TEAD1: variants seen among roughly 807,000 people sequenced by gnomAD.
The protein encoded by TEAD1 is TEA domain transcription factor 1.
TEAD1 carries 9 observed loss-of-function variants against 54.9 expected under a neutral mutation model. The observed-to-expected ratio is 0.16, with a 90% confidence interval of 0.10 to 0.29. The LOEUF is 0.29. Ranked by LOEUF, TEAD1 falls within the 10% of genes least tolerant of loss-of-function variation. TEAD1 has a pLI of 1.00. For missense variants in TEAD1, 387 were observed against 535.9 expected, an observed-to-expected ratio of 0.72 and a Z score of 2.74; for synonymous variants, 200 against 187.8, an observed-to-expected ratio of 1.07 and a Z score of -0.53.
At chr11:12,728,153 TC>T (rs1382989766) in intron 2 of TEAD1, among the ~76,000 whole-genome samples, 2 of 152,170 alleles carry the variant, frequency 1.3e-5, no homozygotes, top group East Asian at 1.9e-4. Flanking sequence ...TGAATAGTGT[TC>T]CTAACTGCTA....
At chr11:12,691,484 A>G (rs1234126333) in intron 2 of TEAD1, among the ~76,000 whole-genome samples, 1 of 152,058 alleles carries the variant, frequency 6.6e-6, no homozygotes, top group East Asian at 1.9e-4. Context: ...TTGGAAATGG[A>G]TCCTGCCTGC....
chr11:12,937,387 C>T lies in TEAD1; in HGVS notation c.*165C>T. On this transcript the variant is annotated 3_prime_UTR_variant, in exon 13 of 13. Transcript: ENST00000527636. Reference sequence around the variant, plus strand: ...TTTCTAAATCTTGTTTGAGTGAAGTCATTTTTTCATGTGTTCATACTATCA... The same window carrying T: ...TTTCTAAATCTTGTTTGAGTGAAGTTATTTTTTCATGTGTTCATACTATCA... 3.5e-6 allele frequency: 2 copies of T among 571,414 alleles called. No individual in the cohort carries two copies. Among genetic ancestry groups the T allele is most frequent in the Admixed American group, 2.9e-5 (1 of 34,220 alleles). 35.4% of individuals were successfully genotyped at this position (571,414 alleles called of 1,614,324 possible).
intron 10 of TEAD1, among the ~76,000 whole-genome samples, chr11:12,914,261 TA>T (rs1383323795): frequency 6.6e-5 from 10 of 152,220 alleles, no homozygotes; most frequent in Non-Finnish European, 1.2e-4. Context: ...GAAATTCAAA[TA>T]GGGGTGCCAA....
At chr11:12,840,325 T>C (rs561803607) in intron 3 of TEAD1, among the ~76,000 whole-genome samples, 137 of 149,912 alleles carry the variant, frequency 9.1e-4, no homozygotes, top group Non-Finnish European at 1.7e-3. Context: ...TGGATGAGTC[T>C]GAGAGATGGA....
chr11:12,815,185 CTG>C (rs755092184), intron 3 of TEAD1, among the ~76,000 whole-genome samples: 12 of 152,246 alleles, frequency 7.9e-5, no homozygotes, highest in African/African-American at 1.2e-4. Flanking sequence ...TAAACAGAAA[CTG>C]TGTTTATCTC....
intron 2 of TEAD1, among the ~76,000 whole-genome samples, chr11:12,682,024 T>G (rs1943233667): frequency 6.6e-6 from 1 of 152,292 alleles, no homozygotes; most frequent in Non-Finnish European, 1.5e-5. Flanking sequence ...TAGGCTTAGG[T>G]GCGTTGTGGT....
In TEAD1 at chr11:12,941,206, G is replaced by T. The variant is rs892029615; in HGVS notation, c.*3984G>T. The T allele has an allele frequency of 2.0e-5, 3 of 152,276 alleles. No individual in the cohort carries two copies. The highest frequency in any genetic ancestry group is 6.5e-5 in the Admixed American group (1 of 15,286). 9.4% of individuals were successfully genotyped at this position (152,276 alleles called of 1,614,324 possible). On this transcript the variant is annotated 3_prime_UTR_variant, in exon 13 of 13. Coordinates refer to ENST00000527636, the MANE Select transcript of TEAD1 (RefSeq NM_021961.6). ...CCAGAGCACAGCCTCACCGGATGCT[G>T]CTTCCCACACTGAAGTGTCCTGTCC...
intron 3 of TEAD1, among the ~76,000 whole-genome samples, chr11:12,847,700 G>T (rs1590208670): frequency 1.3e-5 from 2 of 152,172 alleles, no homozygotes; most frequent in South Asian, 4.1e-4. Flanking sequence ...TTTTATTTTA[G>T]TTTTTAGAGA....
Position 12,864,501 on chromosome 11 carries a change from T to A in TEAD1, c.268-337T>A, listed in dbSNP as rs1487638305. On this transcript the variant is annotated intron_variant, in intron 4 of 12. Transcript: ENST00000527636. Reference sequence around the variant, plus strand: ...AGCTTAGAGCAGCGCTGGGGGCTTGTGTCTGGCTGGGACTGTGTATTCCTA... The same window carrying A: ...AGCTTAGAGCAGCGCTGGGGGCTTGAGTCTGGCTGGGACTGTGTATTCCTA... Among the ~76,000 whole-genome samples the A allele has an allele frequency of 2.0e-5, 3 of 152,200 alleles. No homozygotes were observed. In the East Asian group the frequency reaches 5.8e-4, roughly 29 times the overall value.
In TEAD1 at chr11:12,922,353, C is replaced by T. The variant is rs1388988754; in HGVS notation, c.874-2559C>T. On this transcript the variant is annotated intron_variant, in intron 10 of 12. Transcript: ENST00000527636. ...CTGGGACTACAGGCGCCCGCCACTA[C>T]GCCCGGCTAATTTTTTGTATTTTTA... 10 of 77,542 alleles carry T rather than the reference C, an allele frequency of 1.3e-4. 4 individuals carry two copies. Among genetic ancestry groups the T allele is most frequent in the Admixed American group, 3.8e-4 (3 of 7,868 alleles). The allele number at this position is 77,542 out of a possible 1,614,324, so 4.8% of individuals were successfully genotyped here. A position where few individuals can be genotyped will look rare whatever the true frequency, so the allele number is the denominator to read the frequency against.
intron 9 of TEAD1, among the ~76,000 whole-genome samples, chr11:12,885,674 A>G (rs1284439401): frequency 6.6e-6 from 1 of 152,206 alleles, no homozygotes; most frequent in Non-Finnish European, 1.5e-5. Flanking sequence ...TTAAAATACT[A>G]TGGAATCATT....
intron 3 of TEAD1, among the ~76,000 whole-genome samples, chr11:12,813,765 G>T (rs1230609309): frequency 6.6e-6 from 1 of 152,182 alleles, no homozygotes; most frequent in Non-Finnish European, 1.5e-5. Context: ...CCCGTCTGCA[G>T]GGGTGGCAGT....
chr11:12,738,810 A>C (rs1219548709), intron 2 of TEAD1, among the ~76,000 whole-genome samples: 5 of 152,246 alleles, frequency 3.3e-5, no homozygotes, highest in Middle Eastern at 3.4e-3. Flanking sequence ...TTAATTAATT[A>C]ATTCTATATT....
intron 3 of TEAD1, among the ~76,000 whole-genome samples, chr11:12,776,757 T>TTTA (rs71037087): frequency 0.13 from 18,463 of 137,450 alleles, 1,397 homozygotes; most frequent in Middle Eastern, 0.18. Context: ...CATTTGGATA[T>TTTA]TTATTATTAT....
At chr11:12,916,329 A>C (rs1040324739) in intron 10 of TEAD1, among the ~76,000 whole-genome samples, 1 of 152,132 alleles carries the variant, frequency 6.6e-6, no homozygotes, top group Non-Finnish European at 1.5e-5. Flanking sequence ...ACACCCGACA[A>C]ACGTGGGTTG....
At chr11:12,859,107 C>T (rs1421270922) in intron 3 of TEAD1, among the ~76,000 whole-genome samples, 1 of 152,196 alleles carries the variant, frequency 6.6e-6, no homozygotes, top group Non-Finnish European at 1.5e-5. Flanking sequence ...GATTGTACTT[C>T]AGTCAAAGTG....
At chr11:12,735,390 A>G (rs1251678860) in intron 2 of TEAD1, among the ~76,000 whole-genome samples, 2 of 152,112 alleles carry the variant, frequency 1.3e-5, no homozygotes, top group Non-Finnish European at 2.9e-5. Flanking sequence ...AAGAAATCTT[A>G]TCCCACTGCT....
intron 2 of TEAD1, among the ~76,000 whole-genome samples, chr11:12,736,937 T>G (rs1386289764): frequency 6.6e-6 from 1 of 152,214 alleles, no homozygotes; most frequent in African/African-American, 2.4e-5. Flanking sequence ...AAAAATGGTG[T>G]TAGAACATTT....
intron 9 of TEAD1, among the ~76,000 whole-genome samples, chr11:12,897,242 G>A (rs1948330950): frequency 6.6e-6 from 1 of 152,062 alleles, no homozygotes; most frequent in African/African-American, 2.4e-5. Context: ...TACCACTGCT[G>A]GAGAAGAAAC....
Sources: allele counts gnomAD v4.1 joint callset (sites outside exome capture counted in the v4.1 genomes callset), GRCh38; gene constraint gnomAD v4.1.1; transcripts MANE v1.5; gene names NCBI Gene and HGNC (gene_info 2026-07-23, HGNC 2026-07-21).